RBMS1: variants seen among roughly 807,000 people sequenced by gnomAD.
The protein encoded by RBMS1 is RNA binding motif single stranded interacting protein 1.
RBMS1 carries 17 observed loss-of-function variants against 62.3 expected under a neutral mutation model. The observed-to-expected ratio is 0.27, with a 90% CI of 0.19 to 0.41. RBMS1 has a LOEUF of 0.41. Among genes scored for constraint, RBMS1 ranks in the 10% least tolerant of loss-of-function variants. The probability of loss-of-function intolerance (pLI) is 1.00; values close to 1 mark genes in which losing one functional copy is unlikely to be tolerated. For synonymous variants in RBMS1, 172 were observed against 170.0 expected (o/e 1.01, Z -0.09); for missense variants, 334 against 504.5 (o/e 0.66, Z 3.24).
intron 3 of RBMS1, among the ~76,000 whole-genome samples, chr2:160,317,673 A>G (rs111489953): frequency 6.6e-6 from 1 of 152,192 alleles, no homozygotes; most frequent in Non-Finnish European, 1.5e-5. Context: ...CCCTGCTGCC[A>G]ATATTGTCAA....
chr2:160,350,661 G>A (rs189839716), intron 2 of RBMS1, among the ~76,000 whole-genome samples: 42 of 152,190 alleles, frequency 2.8e-4, no homozygotes, highest in African/African-American at 1.0e-3. Flanking sequence ...TTTATCAAGA[G>A]GTTTATCAGG....
chr2:160,297,548 T>A (rs1193364956), intron 6 of RBMS1, among the ~76,000 whole-genome samples: 2 of 152,232 alleles, frequency 1.3e-5, no homozygotes, highest in African/African-American at 4.8e-5. Flanking sequence ...GCTTCTAGTT[T>A]AGTGGGACTG....
intron 4 of RBMS1, among the ~76,000 whole-genome samples, chr2:160,305,399 TATTATA>T (rs1689445654): frequency 6.6e-6 from 1 of 152,208 alleles, no homozygotes; most frequent in African/African-American, 2.4e-5. Flanking sequence ...CTTATCATTG[TATTATA>T]ACTGCTAACA....
rs544368362 is a variant in RBMS1 at position 160,363,030 on chromosome 2, T to G, written c.251+4186A>C. ...GGATGGAAGAAACAAGAGATACTAA[T>G]ATTTGTTCAGAGACAATTGTGTTGT... On this transcript the variant is annotated intron_variant, in intron 2 of 13. Transcript: ENST00000348849. Among the ~76,000 whole-genome samples the G allele has an allele frequency of 3.3e-5, 5 of 152,368 alleles. No homozygotes were observed. The East Asian group carries it at 9.6e-4, about 29-fold the overall frequency.
chr2:160,318,020 T>C, intron 3 of RBMS1, 149 bp downstream of exon 3: 2 of 1,195,292 alleles, frequency 1.7e-6, no homozygotes, highest in African/African-American at 1.6e-5. Context: ...GTAAGTAATA[T>C]GCTGACACTG....
At chr2:160,300,518 T>C (rs1689153394) in intron 6 of RBMS1, 133 bp downstream of exon 6, 6 of 1,271,304 alleles carry the variant, frequency 4.7e-6, no homozygotes, top group Non-Finnish European at 6.1e-6. Flanking sequence ...TTAAGTCTTA[T>C]TTCTAAATCC....
At chr2:160,291,890 G>A (rs530185478) in intron 6 of RBMS1, among the ~76,000 whole-genome samples, 1 of 152,212 alleles carries the variant, frequency 6.6e-6, no homozygotes, top group East Asian at 1.9e-4. Flanking sequence ...TACCTCCCAT[G>A]ACTCCAACAA....
Position 160,336,700 on chromosome 2 carries a change from T to C in RBMS1, c.252-18473A>G, listed in dbSNP as rs149721340. Among the ~76,000 whole-genome samples the C allele has an allele frequency of 1.9e-3, 284 of 152,322 alleles. 1 individual carries two copies. The highest frequency in any genetic ancestry group is 4.6e-3 in the East Asian group (24 of 5,190). Reference sequence around the variant, plus strand: ...AATATTGAGATGTTTGACTTTTTTTTCCTAAGTATTTGAAATCCAGTGTGT... The same window carrying C: ...AATATTGAGATGTTTGACTTTTTTTCCCTAAGTATTTGAAATCCAGTGTGT... On this transcript the variant is annotated intron_variant, in intron 2 of 13. Transcript: ENST00000348849.
At chr2:160,394,659 A>T (rs1695046175) in intron 1 of RBMS1, among the ~76,000 whole-genome samples, 1 of 152,242 alleles carries the variant, frequency 6.6e-6, no homozygotes, top group South Asian at 2.1e-4. Context: ...CCTGAAGTTA[A>T]CATGCAACTT....
chr2:160,308,406 A>G lies in RBMS1; in HGVS notation c.402+4750T>C, dbSNP rs1689668637. Among the ~76,000 whole-genome samples, 4 of 151,822 alleles carry G rather than the reference A, an allele frequency of 2.6e-5. No homozygotes were observed. In the South Asian group the frequency reaches 8.3e-4, roughly 32 times the overall value. ...GCCAGATCTGGTCTCAAAAAACAAA[A>G]CAAAACAAAACAAAACAAAACAAAA... On this transcript the variant is annotated intron_variant, in intron 4 of 13. Transcript: ENST00000348849.
chr2:160,416,718 C>T (rs542124613), intron 1 of RBMS1, among the ~76,000 whole-genome samples: 2 of 152,056 alleles, frequency 1.3e-5, no homozygotes, highest in Admixed American at 6.6e-5. Context: ...TTATTAAGGG[C>T]CGGTCCTTGT....
chr2:160,370,831 G>GT (rs1042723683), intron 1 of RBMS1, among the ~76,000 whole-genome samples: 1 of 136,066 alleles, frequency 7.3e-6, no homozygotes, highest in Non-Finnish European at 1.6e-5. Context: ...TGGCAGATAT[G>GT]TTTTTTAAGA....
At chr2:160,354,172 G>GAGAT (rs1167185115) in intron 2 of RBMS1, among the ~76,000 whole-genome samples, 5 of 152,230 alleles carry the variant, frequency 3.3e-5, no homozygotes, top group African/African-American at 9.6e-5. Flanking sequence ...TTGACTAGAA[G>GAGAT]AGATGTAAAG....
chr2:160,463,551 G>A (rs546142604), intron 1 of RBMS1, among the ~76,000 whole-genome samples: 2 of 152,266 alleles, frequency 1.3e-5, no homozygotes, highest in Non-Finnish European at 2.9e-5. Flanking sequence ...TGGGAGTTGC[G>A]AGGCAGGTGG....
At chr2:160,280,733 A>G (rs1044474610) in intron 10 of RBMS1, among the ~76,000 whole-genome samples, 3 of 152,174 alleles carry the variant, frequency 2.0e-5, no homozygotes, top group Non-Finnish European at 4.4e-5. Context: ...TTAAATTTTC[A>G]AACCCTTCTT....
At chr2:160,281,707 G>A (rs1474364024) in intron 9 of RBMS1, 2 of 203,614 alleles carry the variant, frequency 9.8e-6, no homozygotes, top group East Asian at 2.5e-4. Flanking sequence ...ATAGTGAAAA[G>A]TGTTAACAAT....
intron 2 of RBMS1, among the ~76,000 whole-genome samples, chr2:160,328,205 A>G (rs1298291948): frequency 6.6e-6 from 1 of 152,178 alleles, no homozygotes; most frequent in Admixed American, 6.5e-5. Context: ...AATGACCACT[A>G]TGGTGCCTGA....
chr2:160,313,126 C>A, intron 4 of RBMS1, 30 bp downstream of exon 4: 1 of 1,604,412 alleles, frequency 6.2e-7, no homozygotes, highest in Non-Finnish European at 8.5e-7. Flanking sequence ...AGCTGTGGAA[C>A]AGAGAAGCAA....
At chr2:160,307,942 T>G (rs1689628460) in intron 4 of RBMS1, among the ~76,000 whole-genome samples, 1 of 152,248 alleles carries the variant, frequency 6.6e-6, no homozygotes, top group African/African-American at 2.4e-5. Flanking sequence ...CAATATTATA[T>G]TTCTGTCCCA....
Sources: allele counts gnomAD v4.1 joint callset (sites outside exome capture counted in the v4.1 genomes callset), GRCh38; gene constraint gnomAD v4.1.1; transcripts MANE v1.5; gene names NCBI Gene and HGNC (gene_info 2026-07-23, HGNC 2026-07-21).